ACYP2: variants seen among roughly 807,000 people sequenced by gnomAD.
ACYP2 encodes acylphosphatase-2.
Under a neutral mutation model 11.2 loss-of-function variants are expected in ACYP2, and 12 were observed. The observed-to-expected ratio is 1.08, with a 90% confidence interval of 0.69 to 1.74. ACYP2 has a LOEUF of 1.74. Among genes scored for constraint, ACYP2 ranks in the 40% most tolerant of loss-of-function variants. The probability of loss-of-function intolerance (pLI) is 0.00; values close to 1 mark genes in which losing one functional copy is unlikely to be tolerated. For missense variants in ACYP2, 134 were observed against 101.9 expected (o/e 1.31, Z -1.35); for synonymous variants, 43 against 32.2 (o/e 1.33, Z -1.13).
chr2:54,048,058 A>C (rs1293763496), intron 2 of ACYP2, among the ~76,000 whole-genome samples: 1 of 152,246 alleles, frequency 6.6e-6, no homozygotes, highest in Non-Finnish European at 1.5e-5. Context: ...TATTTAAGTC[A>C]TTAGAATCTG....
chr2:54,107,268 T>C (rs1430924218), intron 4 of ACYP2, among the ~76,000 whole-genome samples: 4 of 152,204 alleles, frequency 2.6e-5, no homozygotes, highest in Non-Finnish European at 4.4e-5. Context: ...TAAATAAGCA[T>C]GATGTGACTA....
chr2:54,135,964 C>A (rs1159452254), intron 5 of ACYP2, among the ~76,000 whole-genome samples: 2 of 152,240 alleles, frequency 1.3e-5, no homozygotes, highest in African/African-American at 4.8e-5. Flanking sequence ...GTGGTGCGAT[C>A]TCAGCTCACT....
At chr2:54,011,204 A>G (rs953853608) in intron 2 of ACYP2, among the ~76,000 whole-genome samples, 1 of 152,222 alleles carries the variant, frequency 6.6e-6, no homozygotes, top group Non-Finnish European at 1.5e-5. Context: ...AGGAAATAAT[A>G]TAACACTTTT....
chr2:54,294,610 C>T (rs1689444333), intron 6 of ACYP2, among the ~76,000 whole-genome samples: 1 of 152,106 alleles, frequency 6.6e-6, no homozygotes, highest in South Asian at 2.1e-4. Context: ...AGAAAGGTTT[C>T]TTCTCTTCAC....
chr2:53,977,229 A>G (rs971177281), intron 2 of ACYP2, among the ~76,000 whole-genome samples: 1 of 151,874 alleles, frequency 6.6e-6, no homozygotes, highest in South Asian at 2.1e-4. Flanking sequence ...TTATATTTTT[A>G]GTAGAGACGG....
At chr2:54,067,428 C>T (rs1052470045) in intron 4 of ACYP2, among the ~76,000 whole-genome samples, 12 of 152,186 alleles carry the variant, frequency 7.9e-5, no homozygotes, top group Non-Finnish European at 1.6e-4. Flanking sequence ...GTTCTTCCCA[C>T]ATTAAAATAC....
intron 2 of ACYP2, among the ~76,000 whole-genome samples, chr2:53,992,024 T>TTCCCTCCTTCCTTCC (rs1672321744): frequency 6.6e-6 from 1 of 151,660 alleles, no homozygotes; most frequent in Admixed American, 6.6e-5. Context: ...TTGCCCCTCT[T>TTCCCTCCTTCCTTCC]TCCCTCCTTC....
intron 6 of ACYP2, among the ~76,000 whole-genome samples, chr2:54,202,706 C>CTTTTCTTTTTTT: frequency 2.3e-5 from 1 of 43,056 alleles, no homozygotes; most frequent in Non-Finnish European, 4.2e-5. Flanking sequence ...CGGCGCCTGG[C>CTTTTCTTTTTTT]TTTTTTTTTT....
At chr2:54,281,206 C>G (rs1688836379) in intron 6 of ACYP2, among the ~76,000 whole-genome samples, 1 of 152,200 alleles carries the variant, frequency 6.6e-6, no homozygotes, top group African/African-American at 2.4e-5. Flanking sequence ...ATCTTAGAGT[C>G]CAATTATGAT....
rs568684304 is a variant in ACYP2 at position 54,025,838 on chromosome 2, G to A, written c.63-25120G>A. ...TGACTAGGCATGGTGGCTCATGCCT[G>A]TAATCCCAGCGCTTTGGGAGGCCGA... is the stretch of plus-strand genomic sequence containing the variant. On this transcript the variant is annotated intron_variant, in intron 2 of 6. Coordinates refer to ENST00000607452, the MANE Select transcript of ACYP2 (RefSeq NM_001320586.2). 7.2e-5 allele frequency among the ~76,000 whole-genome samples: 11 copies of A among 152,332 alleles called. No individual in the cohort carries two copies. The South Asian group carries it at 1.9e-3, about 26-fold the overall frequency.
At chr2:54,263,398 A>G (rs970913344) in intron 6 of ACYP2, among the ~76,000 whole-genome samples, 3 of 152,174 alleles carry the variant, frequency 2.0e-5, no homozygotes, top group Admixed American at 6.5e-5. Context: ...AACACTGGGG[A>G]TTACATTTCA....
At chr2:54,077,108 T>C (rs756813386) in intron 4 of ACYP2, among the ~76,000 whole-genome samples, 9 of 152,216 alleles carry the variant, frequency 5.9e-5, no homozygotes, top group Non-Finnish European at 1.3e-4. Flanking sequence ...GCATTTAGAT[T>C]CTCTATCTTG....
intron 6 of ACYP2, among the ~76,000 whole-genome samples, chr2:54,256,569 G>A (rs577546257): frequency 3.9e-5 from 6 of 152,128 alleles, no homozygotes; most frequent in Non-Finnish European, 8.8e-5. Flanking sequence ...ATACTAGTCA[G>A]TCATTCTTCC....
chr2:54,093,331 A>C (rs1283091215), intron 4 of ACYP2, among the ~76,000 whole-genome samples: 1 of 152,254 alleles, frequency 6.6e-6, no homozygotes, highest in Admixed American at 6.5e-5. Flanking sequence ...TGAAAAGAAT[A>C]TTGTCTCTGC....
chr2:54,285,839 G>A (rs1689055980), intron 6 of ACYP2, among the ~76,000 whole-genome samples: 1 of 152,160 alleles, frequency 6.6e-6, no homozygotes, highest in African/African-American at 2.4e-5. Flanking sequence ...TGTGATGGTT[G>A]GAACTTTAGC....
chr2:54,245,156 T>C (rs1686893079), intron 6 of ACYP2, among the ~76,000 whole-genome samples: 1 of 152,166 alleles, frequency 6.6e-6, no homozygotes, highest in Non-Finnish European at 1.5e-5. Context: ...TTCCTGGCTA[T>C]TTTCACTTAA....
chr2:54,275,575 T>C (rs901948859), intron 6 of ACYP2, among the ~76,000 whole-genome samples: 1 of 152,196 alleles, frequency 6.6e-6, no homozygotes, highest in Admixed American at 6.5e-5. Context: ...GGAAATCTTC[T>C]AGTGTTTTAT....
chr2:54,092,469 A>G (rs1266238518), intron 4 of ACYP2, among the ~76,000 whole-genome samples: 3 of 152,138 alleles, frequency 2.0e-5, no homozygotes, highest in African/African-American at 7.2e-5. Flanking sequence ...TCAGCCTTGG[A>G]ACAGGGTTGG....
At chr2:54,104,605 T>G (rs758045585) in intron 4 of ACYP2, among the ~76,000 whole-genome samples, 6 of 152,146 alleles carry the variant, frequency 3.9e-5, no homozygotes, top group African/African-American at 9.7e-5. Flanking sequence ...AGGCTACTGT[T>G]TTAGTCTTAT....
Sources: allele counts gnomAD v4.1 joint callset (sites outside exome capture counted in the v4.1 genomes callset), GRCh38; gene constraint gnomAD v4.1.1; transcripts MANE v1.5; gene names NCBI Gene and HGNC (gene_info 2026-07-23, HGNC 2026-07-21).